The following ALOXE3 variants were observed in gnomAD, a reference collection of about 807,000 sequenced individuals.
ALOXE3 encodes the protein hydroperoxide isomerase ALOXE3.
Under a neutral mutation model 87.5 loss-of-function variants are expected in ALOXE3, and 78 were observed. The observed-to-expected ratio is 0.89, with a 90% CI of 0.74 to 1.08. The LOEUF (loss-of-function observed/expected upper bound fraction) is 1.08. ALOXE3 is among the 50% of genes least tolerant of loss of function. The probability of loss-of-function intolerance (pLI) is 0.00; values close to 1 mark genes in which losing one functional copy is unlikely to be tolerated. For missense variants in ALOXE3, 946 were observed against 912.4 expected (o/e 1.04, Z -0.47); for synonymous variants, 363 against 370.8 (o/e 0.98, Z 0.24).
chr17:8,110,571 G>A, intron 8 of ALOXE3, 43 bp from the exon 9 acceptor site: 8 of 1,612,668 alleles, frequency 5.0e-6, no homozygotes, highest in South Asian at 1.1e-5. Context: ...CCCTACTCGC[G>A]CTCCACTTCC....
rs1243892746 is a variant in ALOXE3 at position 8,112,157 on chromosome 17, C to T, written c.720G>A (p.Lys240=). ...GMKLRGLLDR[K]GSWKKLDDMQ... is the part of the protein sequence containing the mutation. Reference sequence around the variant, plus strand: ...TGTCATCCAGCTTCTTCCAGGAGCCCTTGCGATCCAACAGCCCTCGAAGCT... The same window carrying T: ...TGTCATCCAGCTTCTTCCAGGAGCCTTTGCGATCCAACAGCCCTCGAAGCT... Residue 240 remains lysine, a synonymous_variant, in exon 7 of 16, where the codon AAG becomes AAA. Coordinates refer to ENST00000448843, the MANE Select transcript of ALOXE3 (RefSeq NM_021628.3). 6.2e-7 allele frequency: 1 copy of T among 1,614,046 alleles called. No homozygotes were observed. Among genetic ancestry groups the T allele is most frequent in the Non-Finnish European group, 8.5e-7 (1 of 1,180,042 alleles).
rs1009469131 is a variant in ALOXE3 at position 8,115,036 on chromosome 17, G to A, written c.456C>T (p.Gly152=). The A allele has an allele frequency of 1.9e-6, 3 of 1,614,198 alleles. No homozygotes were observed. Among genetic ancestry groups the A allele is most frequent in the Admixed American group, 1.7e-5 (1 of 60,022 alleles). The change falls in exon 5 of 16, where the codon GGC becomes GGT. Residue 152 remains glycine (G), a synonymous_variant. Transcript: ENST00000448843. ...ECYRWKIYAP[G]FPCMVDVNSF... The stretch of plus-strand genomic sequence containing the variant: ...TGTTGACGTCTACCATGCAGGGGAA[G>A]CCAGGGGCATAGATCTTCCAGCTTC...
In ALOXE3 at chr17:8,115,632, G is replaced by C. The variant is rs1980517087; in HGVS notation, c.409C>G (p.Leu137Val). The C allele has an allele frequency of 6.2e-7, 1 of 1,614,118 alleles. No homozygotes were observed. Among genetic ancestry groups the C allele is most frequent in the East Asian group, 2.2e-5 (1 of 44,892 alleles). ...CGGTAGCATTCTTGTCGGGCCCGGA[G>C]CTCCCGTGTCCTGTGATCCAGGAGG... ...PLLLDHRTRE[L>V]RARQECYRWK... The change falls in exon 4 of 16, where the codon CTC becomes GTC. Residue 137 changes from leucine to valine, a missense_variant. Coordinates refer to ENST00000448843, the MANE Select transcript of ALOXE3 (RefSeq NM_021628.3).
At chr17:8,117,103 C>CGGTATGGGCTGGG in intron 2 of ALOXE3, 123 bp from the exon 3 acceptor site, 1 of 901,000 alleles carries the variant, frequency 1.1e-6, no homozygotes. Context: ...GCTCCCAGCC[C>CGGTATGGGCTGGG]ATACCGGGCT....
At chr17:8,102,062 G>C (rs1978957519) in intron 15 of ALOXE3, among the ~76,000 whole-genome samples, 1 of 152,216 alleles carries the variant, frequency 6.6e-6, no homozygotes, top group Admixed American at 6.5e-5. Context: ...CAGTGATAAA[G>C]GGCTACTTGC....
rs1979765008 is a variant in ALOXE3 at position 8,109,074 on chromosome 17, G to C, written c.1562+100C>G. ...TCAAGAATTCCCTATGCTAGGGTGTGAAAACACCTGAAATCCCCAGGCGCC... is the reference window on the plus strand; with the variant it reads ...TCAAGAATTCCCTATGCTAGGGTGTCAAAACACCTGAAATCCCCAGGCGCC... On this transcript the variant is annotated intron_variant, in intron 12 of 15. Transcript: ENST00000448843. 3 of 1,537,848 alleles carry C rather than the reference G, an allele frequency of 2.0e-6. No individual in the cohort carries two copies. The South Asian group carries it at 3.5e-5, about 18-fold the overall frequency.
chr17:8,097,382 A>T (rs12453030), intron 15 of ALOXE3, among the ~76,000 whole-genome samples: 1 of 151,942 alleles, frequency 6.6e-6, no homozygotes, highest in Non-Finnish European at 1.5e-5. Flanking sequence ...CCGAGATCAA[A>T]GTAAACACTG....
At position 8,096,735 on chromosome 17, in the gene ALOXE3, C is replaced by G; in HGVS notation, c.2028G>C (p.Gln676His). Residue 676 changes from glutamine (Q) to histidine (H), a missense_variant, in exon 16 of 16, where the codon CAG (glutamine) becomes CAC (histidine). Physicochemically the swap from Gln to His is conservative, Grantham distance 24. Coordinates refer to ENST00000448843, the MANE Select transcript of ALOXE3 (RefSeq NM_021628.3). ...CCCTTGAGATCTGGGCCAGGCGGCT[C>G]TGGAAGGCGGCGATGCTCCGCCTCG... is the stretch of plus-strand genomic sequence containing the variant. ...EAPRRSIAAF[Q>H]SRLAQISRDI... 1 of 1,614,184 alleles carries G rather than the reference C, an allele frequency of 6.2e-7. No individual in the cohort carries two copies. Among genetic ancestry groups the G allele is most frequent in the Non-Finnish European group, 8.5e-7 (1 of 1,180,024 alleles).
Position 8,104,227 on chromosome 17 carries a change from G to T in ALOXE3, c.1685-12C>A. On this transcript the variant is annotated splice_polypyrimidine_tract_variant and intron_variant, in intron 13 of 15. Coordinates refer to ENST00000448843, the MANE Select transcript of ALOXE3 (RefSeq NM_021628.3). ...CCGGCTTGGGAAACCTGGGTGTGGG[G>T]AGGAAGGGTAGAGGGTGTGGATGGA... 6.2e-7 allele frequency: 1 copy of T among 1,607,736 alleles called. No individual in the cohort carries two copies. The highest frequency in any genetic ancestry group is 8.5e-7 in the Non-Finnish European group (1 of 1,174,520).
rs568701429 is a variant in ALOXE3, at chr17:8,109,068, G to C, written c.1562+106C>G. On this transcript the variant is annotated intron_variant, in intron 12 of 15. Coordinates refer to ENST00000448843, the MANE Select transcript of ALOXE3 (RefSeq NM_021628.3). ...ATACCCTCAAGAATTCCCTATGCTA[G>C]GGTGTGAAAACACCTGAAATCCCCA... The C allele has an allele frequency of 2.7e-6, 4 of 1,499,896 alleles. No individual in the cohort carries two copies. The East Asian group carries it at 9.6e-5, about 36-fold the overall frequency. 92.9% of individuals were successfully genotyped at this position (1,499,896 alleles called of 1,614,324 possible).
chr17:8,105,789 C>A (rs1979256582), intron 13 of ALOXE3, among the ~76,000 whole-genome samples: 1 of 151,620 alleles, frequency 6.6e-6, no homozygotes, highest in Non-Finnish European at 1.5e-5. Flanking sequence ...GTGGTGCATG[C>A]CTGTAGTCCC....
intron 14 of ALOXE3, among the ~76,000 whole-genome samples, chr17:8,103,711 G>T (rs1196980199): frequency 1.3e-5 from 2 of 152,032 alleles, no homozygotes; most frequent in Non-Finnish European, 2.9e-5. Context: ...CAGGAAGCCA[G>T]CTTACTCCTT....
chr17:8,113,033 C>T (rs1980237694), intron 6 of ALOXE3, among the ~76,000 whole-genome samples: 1 of 152,074 alleles, frequency 6.6e-6, no homozygotes, highest in East Asian at 1.9e-4. Context: ...TGGCTTTCCC[C>T]CACTTCCAGG....
At chr17:8,112,880 A>G (rs1383117936) in intron 6 of ALOXE3, among the ~76,000 whole-genome samples, 4 of 152,028 alleles carry the variant, frequency 2.6e-5, no homozygotes, top group Admixed American at 2.6e-4. Context: ...CTGCAGCTTC[A>G]AACTCCTGGG....
chr17:8,110,777 C>T (rs370549525), intron 8 of ALOXE3, among the ~76,000 whole-genome samples: 1 of 152,342 alleles, frequency 6.6e-6, no homozygotes, highest in East Asian at 1.9e-4. Flanking sequence ...CTCTCCTCCT[C>T]ACCTCATACC....
rs201661961 is a variant in ALOXE3, at chr17:8,104,172, G to A, written c.1728C>T (p.Phe576=). 9 of 1,613,948 alleles carry A rather than the reference G, an allele frequency of 5.6e-6. No individual in the cohort carries two copies. In the African/African-American group the frequency reaches 9.3e-5, roughly 17 times the overall value. ...RLCTPGEMVK[F]LTAIIFNCSA... Reference sequence around the variant, plus strand: ...AGCAATTGAAGATGATTGCAGTGAGGAACTTCACCATCTCTCCTGGGGTGC... The same window carrying A: ...AGCAATTGAAGATGATTGCAGTGAGAAACTTCACCATCTCTCCTGGGGTGC... The change falls in exon 14 of 16, where the codon TTC becomes TTT. Residue 576 remains phenylalanine, a synonymous_variant. Coordinates refer to ENST00000448843, the MANE Select transcript of ALOXE3 (RefSeq NM_021628.3).
intron 15 of ALOXE3, among the ~76,000 whole-genome samples, chr17:8,102,515 T>C (rs1225515435): frequency 2.0e-5 from 3 of 152,128 alleles, no homozygotes; most frequent in Admixed American, 6.6e-5. Flanking sequence ...AAGCCTTGAT[T>C]GGCTACCCTT....
rs372027737 is a variant in ALOXE3 at position 8,108,540 on chromosome 17, G to T, written c.1612C>A (p.Gln538Lys). The change falls in exon 13 of 16, where the codon CAG (glutamine) becomes AAG (lysine). Residue 538 changes from glutamine to lysine, a missense_variant. Physicochemically the swap from Gln to Lys is moderately conservative, Grantham distance 53 (BLOSUM62 1). Transcript: ENST00000448843. ...CAGGCCTGCAGCTCCGAATCCTGCTGCACAGATGCGTCACTGGGATAATAG... is the reference window on the plus strand; with the variant it reads ...CAGGCCTGCAGCTCCGAATCCTGCTTCACAGATGCGTCACTGGGATAATAG... ...GYYYPSDASV[Q>K]QDSELQAWTG... The T allele has an allele frequency of 6.2e-7, 1 of 1,613,264 alleles. No homozygotes were observed. The highest frequency in any genetic ancestry group is 8.5e-7 in the Non-Finnish European group (1 of 1,179,568).
chr17:8,101,448 G>A (rs894399037), intron 15 of ALOXE3, among the ~76,000 whole-genome samples: 6 of 152,118 alleles, frequency 3.9e-5, no homozygotes, highest in African/African-American at 1.4e-4. Context: ...TATTATTGTT[G>A]TTATAAATTT....
Sources: gnomAD v4.1 joint callset for allele counts (sites outside exome capture counted in the v4.1 genomes callset) on GRCh38, gnomAD v4.1.1 for gene constraint, MANE v1.5 for transcripts, NCBI Gene and HGNC (gene_info 2026-07-23, HGNC 2026-07-21) for gene names.